ARHGAP26: variants seen among roughly 807,000 people sequenced by gnomAD.
ARHGAP26 encodes rho GTPase-activating protein 26.
ARHGAP26 carries 38 observed loss-of-function variants against 104.8 expected under a neutral mutation model. The ratio of observed to expected loss-of-function variants is 0.36; its 90% confidence interval spans 0.28 to 0.48. The LOEUF (loss-of-function observed/expected upper bound fraction) is 0.48, where lower values mean the gene tolerates loss of function less well. Ranked by LOEUF, ARHGAP26 falls within the 20% of genes least tolerant of loss-of-function variation. The pLI, the probability that ARHGAP26 is intolerant of heterozygous loss-of-function variation, is 0.99. For missense variants in ARHGAP26, 704 were observed against 947.9 expected (o/e 0.74, Z 3.38); for synonymous variants, 341 against 340.0 (o/e 1.00, Z -0.03).
intron 11 of ARHGAP26, among the ~76,000 whole-genome samples, chr5:142,953,241 T>C (rs1033223572): frequency 1.3e-5 from 2 of 152,166 alleles, no homozygotes; most frequent in African/African-American, 4.8e-5. Flanking sequence ...TGAAATTTAA[T>C]TCAGTGAATA....
At chr5:142,827,666 G>C (rs1210877297) in intron 1 of ARHGAP26, among the ~76,000 whole-genome samples, 1 of 152,188 alleles carries the variant, frequency 6.6e-6, no homozygotes, top group African/African-American at 2.4e-5. Context: ...GGGCTATTGA[G>C]TTAATGTGGG....
chr5:143,220,665 G>A (rs1172953277), intron 22 of ARHGAP26, among the ~76,000 whole-genome samples: 1 of 152,226 alleles, frequency 6.6e-6, no homozygotes, highest in Non-Finnish European at 1.5e-5. Flanking sequence ...ACTGTCTCTT[G>A]TGTGGGTTGT....
At chr5:143,204,052 G>T (rs988377758) in intron 20 of ARHGAP26, among the ~76,000 whole-genome samples, 1 of 145,742 alleles carries the variant, frequency 6.9e-6, no homozygotes, top group Admixed American at 6.6e-5. Context: ...ATGTATCCCA[G>T]AACTTAAAGT....
intron 20 of ARHGAP26, among the ~76,000 whole-genome samples, chr5:143,156,630 C>T (rs1215286614): frequency 2.0e-5 from 3 of 152,170 alleles, no homozygotes; most frequent in East Asian, 1.9e-4. Context: ...TGATCTAGTG[C>T]GTTAAGCTCA....
At chr5:142,813,140 A>G (rs1222887668) in intron 1 of ARHGAP26, among the ~76,000 whole-genome samples, 1 of 151,884 alleles carries the variant, frequency 6.6e-6, no homozygotes, top group Non-Finnish European at 1.5e-5. Context: ...ATGGGGTTTC[A>G]CCGTGTTAAC....
intron 1 of ARHGAP26, among the ~76,000 whole-genome samples, chr5:142,798,384 T>A (rs546525753): frequency 6.6e-6 from 1 of 152,320 alleles, no homozygotes; most frequent in Non-Finnish European, 1.5e-5. Context: ...CTTTTATGTC[T>A]CAGCTCAAAT....
intron 4 of ARHGAP26, among the ~76,000 whole-genome samples, chr5:142,884,288 G>A (rs1393878504): frequency 3.3e-5 from 5 of 152,208 alleles, no homozygotes; most frequent in Admixed American, 6.5e-5. Flanking sequence ...GTCACTCTCC[G>A]TGACTTTTCA....
At chr5:142,902,186 C>T (rs999735051) in intron 7 of ARHGAP26, 147 bp downstream of exon 7, 8 of 622,480 alleles carry the variant, frequency 1.3e-5, no homozygotes, top group African/African-American at 1.1e-4. Flanking sequence ...TAGGGGCAGG[C>T]GTTTCTAGAG....
At chr5:142,894,621 A>G (rs1270903557) in intron 6 of ARHGAP26, among the ~76,000 whole-genome samples, 1 of 152,214 alleles carries the variant, frequency 6.6e-6, no homozygotes, top group Non-Finnish European at 1.5e-5. Context: ...TCAGGTGGAC[A>G]GAGTGGAAAT....
chr5:142,919,321 C>CAG (rs1762894197), intron 10 of ARHGAP26: 1 of 398,676 alleles, frequency 2.5e-6, no homozygotes, highest in Non-Finnish European at 4.4e-6. Context: ...AGGTTGGCAG[C>CAG]AGAGCACCAG....
At chr5:143,056,427 T>A (rs1020447669) in intron 16 of ARHGAP26, among the ~76,000 whole-genome samples, 8 of 151,888 alleles carry the variant, frequency 5.3e-5, no homozygotes, top group Admixed American at 1.3e-4. Flanking sequence ...TTAGGTTTTT[T>A]CCAGCCTTTG....
Position 142,892,070 on chromosome 5 carries a change from A to C in ARHGAP26, c.487-2168A>C, listed in dbSNP as rs1052464185. On this transcript the variant is annotated intron_variant, in intron 5 of 22. Coordinates refer to ENST00000645722, the MANE Select transcript of ARHGAP26 (RefSeq NM_001135608.3). ...ACACACCTGCACAGAGGGAGAAGTG[A>C]AATTGAGAGGGAGTGTTGAAATTTC... 6.5e-4 allele frequency among the ~76,000 whole-genome samples: 98 copies of C among 151,806 alleles called. 3 individuals are homozygous for C. Among genetic ancestry groups the C allele is most frequent in the African/African-American group, 2.4e-3 (98 of 41,126 alleles).
chr5:142,835,006 A>G (rs988045994), intron 1 of ARHGAP26, among the ~76,000 whole-genome samples: 1 of 152,244 alleles, frequency 6.6e-6, no homozygotes, highest in African/African-American at 2.4e-5. Flanking sequence ...ACGTGTGAAC[A>G]CTGTCAGTTG....
chr5:143,094,864 G>A lies in ARHGAP26; in HGVS notation c.1539-26124G>A, dbSNP rs569696241. Among the ~76,000 whole-genome samples, 70 of 152,158 alleles carry A rather than the reference G, an allele frequency of 4.6e-4. 1 individual carries two copies. The South Asian group carries it at 0.014, about 31-fold the overall frequency. On this transcript the variant is annotated intron_variant, in intron 17 of 22. Coordinates refer to ENST00000645722, the MANE Select transcript of ARHGAP26 (RefSeq NM_001135608.3). ...GCAGGTAATGGGAATGAGTCGGGGT[G>A]GAGCAGGTAATCGGAATGAGTCAGG...
intron 1 of ARHGAP26, among the ~76,000 whole-genome samples, chr5:142,780,815 G>C (rs11739631): frequency 0.049 from 7,450 of 152,236 alleles, 331 homozygotes; most frequent in East Asian, 0.12. Context: ...TAGGGGACAC[G>C]TTGCCTATCA....
In ARHGAP26 at chr5:142,903,575, G is replaced by A. The variant is rs752711500; in HGVS notation, c.738G>A (p.Val246=). The A allele has an allele frequency of 2.5e-6, 4 of 1,613,950 alleles. No individual in the cohort carries two copies. In the South Asian group the frequency reaches 4.4e-5, roughly 18 times the overall value. The part of the protein sequence containing the change: ...RNRFEGTRSE[V]ESLMKKMKEN... ...GCTTTGAAGGCACTAGATCAGAAGT[G>A]GAATCACTGATGAAAAAGATGAAGG... Residue 246 remains valine (V), a synonymous_variant, in exon 8 of 23, where the codon GTG becomes GTA. Coordinates refer to ENST00000645722, the MANE Select transcript of ARHGAP26 (RefSeq NM_001135608.3).
At chr5:143,023,334 C>A (rs1378001633) in intron 12 of ARHGAP26, among the ~76,000 whole-genome samples, 1 of 152,192 alleles carries the variant, frequency 6.6e-6, no homozygotes, top group African/African-American at 2.4e-5. Flanking sequence ...TCTGACTGTA[C>A]ATTTCCTTCA....
intron 3 of ARHGAP26, among the ~76,000 whole-genome samples, chr5:142,877,678 A>G (rs1263473302): frequency 6.6e-6 from 1 of 152,198 alleles, no homozygotes. Flanking sequence ...ATAAGCGACT[A>G]CTTATGACTG....
chr5:143,112,784 A>G (rs771960450), intron 17 of ARHGAP26, among the ~76,000 whole-genome samples: 4 of 152,246 alleles, frequency 2.6e-5, no homozygotes, highest in Non-Finnish European at 5.9e-5. Context: ...AGTATATGCT[A>G]GAATTCCCTT....
Sources: gnomAD v4.1 joint callset for allele counts (sites outside exome capture counted in the v4.1 genomes callset) on GRCh38, gnomAD v4.1.1 for gene constraint, MANE v1.5 for transcripts, NCBI Gene and HGNC (gene_info 2026-07-23, HGNC 2026-07-21) for gene names.